The following ZMYND19 variants were observed in gnomAD, a reference collection of about 807,000 sequenced individuals.
ZMYND19 encodes the protein zinc finger MYND-type containing 19, also known as zinc finger MYND domain-containing protein 19.
A neutral mutation model predicts 32.0 loss-of-function variants in ZMYND19; 17 were observed. The ratio of observed to expected loss-of-function variants is 0.53; its 90% confidence interval spans 0.36 to 0.80. ZMYND19 has a LOEUF of 0.80. Ranked by LOEUF, ZMYND19 falls within the 30% of genes least tolerant of loss-of-function variation. ZMYND19 has a pLI of 0.00. For synonymous variants in ZMYND19, 124 were observed against 113.6 expected (o/e 1.09, Z -0.58); for missense variants, 250 against 293.6 (o/e 0.85, Z 1.09).
At chr9:137,586,783 T>A (rs1842209786) in intron 4 of ZMYND19, among the ~76,000 whole-genome samples, 184 bp downstream of exon 4, 1 of 152,220 alleles carries the variant, frequency 6.6e-6, no homozygotes, top group Non-Finnish European at 1.5e-5. Flanking sequence ...ATCAAGATCC[T>A]TCCCGCTCCC....
chr9:137,585,624 G>C (rs1186142748), intron 4 of ZMYND19, among the ~76,000 whole-genome samples: 1 of 151,998 alleles, frequency 6.6e-6, no homozygotes, highest in East Asian at 1.9e-4. Context: ...AGGAAGGGAT[G>C]GGGGGGGATT....
At position 137,582,517 on chromosome 9, in the gene ZMYND19, G is replaced by C; in HGVS notation, c.*26C>G. ...GTGCCCAGGGTAGAGCCCGGGGGCT[G>C]TGAGTATGTGTGGCTCCCCTGCCCG... On this transcript the variant is annotated 3_prime_UTR_variant, in exon 6 of 6. Coordinates refer to ENST00000298585, the MANE Select transcript of ZMYND19 (RefSeq NM_138462.3). 1 of 1,601,730 alleles carries C rather than the reference G, an allele frequency of 6.2e-7. No individual in the cohort carries two copies.
In ZMYND19 at chr9:137,587,551, A is replaced by G. The variant is rs145032051; in HGVS notation, c.218+166T>C. 784 of 668,456 alleles carry G rather than the reference A, an allele frequency of 1.2e-3. 10 individuals carry two copies. The East Asian group carries it at 0.019, about 16-fold the overall frequency. The allele number at this position is 668,456 out of a possible 1,614,324, so 41.4% of individuals were successfully genotyped here. A position where few individuals can be genotyped will look rare whatever the true frequency, so the allele number is the denominator to read the frequency against. ...TTGGTGTTTGAAGTGCAACATACAA[A>G]TCATTCGTTCCTTTGGGTTAGTGGT... On this transcript the variant is annotated intron_variant, in intron 3 of 5. Coordinates refer to ENST00000298585, the MANE Select transcript of ZMYND19 (RefSeq NM_138462.3).
In ZMYND19 at chr9:137,590,060, A is replaced by G; in HGVS notation, c.51+153T>C. The G allele has an allele frequency of 1.0e-6, 1 of 983,008 alleles. No homozygotes were observed. The highest frequency in any genetic ancestry group is 1.2e-6 in the Non-Finnish European group (1 of 828,722). 60.9% of individuals were successfully genotyped at this position (983,008 alleles called of 1,614,324 possible). A position where few individuals can be genotyped will look rare whatever the true frequency, so the allele number is the denominator to read the frequency against. On this transcript the variant is annotated intron_variant, in intron 1 of 5. Coordinates refer to ENST00000298585, the MANE Select transcript of ZMYND19 (RefSeq NM_138462.3). The surrounding 1 kb of genome is among the most constrained non-coding windows in gnomAD (Gnocchi z 4.2). Reference sequence around the variant, plus strand: ...GAGGAAGCTGCACCCGCGCGGGGCCAGCAGCCGGGCCCGCGCAGCGTCCCC... The same window carrying G: ...GAGGAAGCTGCACCCGCGCGGGGCCGGCAGCCGGGCCCGCGCAGCGTCCCC...
intron 1 of ZMYND19, chr9:137,589,336 G>A (rs1588975356): frequency 3.0e-6 from 3 of 985,298 alleles, no homozygotes; most frequent in Admixed American, 6.1e-5. Context: ...CAGGAAACAG[G>A]AACAGGTCCC....
Position 137,583,042 on chromosome 9 carries a change from C to T in ZMYND19, c.481G>A (p.Glu161Lys). 1 of 1,614,198 alleles carries T rather than the reference C, an allele frequency of 6.2e-7. No homozygotes were observed. Among genetic ancestry groups the T allele is most frequent in the Non-Finnish European group, 8.5e-7 (1 of 1,180,026 alleles). The change falls in exon 5 of 6, where the codon GAG (glutamate) becomes AAG (lysine). Residue 161 changes from glutamate (E) to lysine (K), a missense_variant. Coordinates refer to ENST00000298585, the MANE Select transcript of ZMYND19 (RefSeq NM_138462.3). ...NANGDVVEEE[E>K]NSCTYYECHY... ...CACTCATAGTAGGTGCAAGAGTTCTCCTCCTCTTCCACTACATCCCCGTTG... is the reference window on the plus strand; with the variant it reads ...CACTCATAGTAGGTGCAAGAGTTCTTCTCCTCTTCCACTACATCCCCGTTG...
intron 4 of ZMYND19, among the ~76,000 whole-genome samples, chr9:137,583,599 G>A (rs1246060119): frequency 8.4e-6 from 1 of 119,322 alleles, no homozygotes. Context: ...CCTACAACGG[G>A]AGAGTTCTAC....
At chr9:137,589,439 C>G in intron 1 of ZMYND19, 1 of 985,474 alleles carries the variant, frequency 1.0e-6, no homozygotes, top group African/African-American at 1.7e-5. Context: ...CTCCTCTCTC[C>G]CACCAAAAGC....
chr9:137,582,569 G>T lies in ZMYND19; in HGVS notation c.658C>A (p.Gln220Lys). ...CATCGCTCTGGCTCAAGCTCATGCT[G>T]GAAGGGACGCTTCCTCTCCCGACAG... ...KHCRERKRPFQHELEPER is the reference protein window; with the variant it reads ...KHCRERKRPFKHELEPER Residue 220 changes from glutamine to lysine, a missense_variant, in exon 6 of 6, where the codon CAG (glutamine) becomes AAG (lysine). Gln to Lys is a moderately conservative substitution (Grantham distance 53, BLOSUM62 1). This residue lies in a region of ZMYND19 where 38 missense variants were observed against 74.9 expected (regional missense o/e 0.51). Coordinates refer to ENST00000298585, the MANE Select transcript of ZMYND19 (RefSeq NM_138462.3). 6.2e-7 allele frequency: 1 copy of T among 1,613,234 alleles called. No individual in the cohort carries two copies. The highest frequency in any genetic ancestry group is 8.5e-7 in the Non-Finnish European group (1 of 1,180,020).
At chr9:137,585,851 G>A (rs938403841) in intron 4 of ZMYND19, among the ~76,000 whole-genome samples, 1 of 152,268 alleles carries the variant, frequency 6.6e-6, no homozygotes, top group African/African-American at 2.4e-5. Context: ...CCTTACCAGC[G>A]TTGCTGACAA....
At chr9:137,585,386 G>A (rs546709815) in intron 4 of ZMYND19, among the ~76,000 whole-genome samples, 4 of 139,120 alleles carry the variant, frequency 2.9e-5, no homozygotes, top group African/African-American at 1.1e-4. Flanking sequence ...CGCTACTCCA[G>A]CCTAGGCAAC....
At chr9:137,588,513 T>C in intron 2 of ZMYND19, 146 bp downstream of exon 2, 1 of 855,334 alleles carries the variant, frequency 1.2e-6, no homozygotes, top group Non-Finnish European at 1.8e-6. Flanking sequence ...GAAGTGGGGC[T>C]GACGGCTCAG....
At chr9:137,588,055 A>T (rs1470193725) in intron 2 of ZMYND19, among the ~76,000 whole-genome samples, 2 of 152,256 alleles carry the variant, frequency 1.3e-5, no homozygotes, top group East Asian at 3.8e-4. Context: ...ACAACTCTGC[A>T]AAATACAATG....
At chr9:137,589,950 C>T (rs1418562008) in intron 1 of ZMYND19, 7 of 985,204 alleles carry the variant, frequency 7.1e-6, no homozygotes, top group Non-Finnish European at 8.4e-6. Flanking sequence ...CGGGACAGGG[C>T]CGTGGCCTCC....
chr9:137,584,275 G>A (rs559118037), intron 4 of ZMYND19, among the ~76,000 whole-genome samples: 184 of 152,348 alleles, frequency 1.2e-3, no homozygotes, highest in African/African-American at 4.1e-3. Flanking sequence ...CCCACCTCCT[G>A]TAGCAGGGGG....
Position 137,587,111 on chromosome 9 carries a change from G to A in ZMYND19, c.219-4C>T, listed in dbSNP as rs775620745. On this transcript the variant is annotated splice_polypyrimidine_tract_variant and splice_region_variant and intron_variant, in intron 3 of 5. Transcript: ENST00000298585. ...CACGCCCCCCCGGTGCCGCTCCCTA[G>A]AAACAGACAGCAAACCCTGCATCTA... 6.9e-6 allele frequency: 11 copies of A among 1,602,698 alleles called. No individual in the cohort carries two copies. The highest frequency in any genetic ancestry group is 6.7e-5 in the East Asian group (3 of 44,896).
intron 2 of ZMYND19, 52 bp from the exon 3 acceptor site, chr9:137,587,875 C>A (rs1345091744): frequency 1.3e-6 from 2 of 1,538,784 alleles, no homozygotes; most frequent in African/African-American, 2.7e-5. Context: ...TTCTCAGCAA[C>A]ACTTCAATTC....
chr9:137,586,105 A>G (rs1355310851), intron 4 of ZMYND19, among the ~76,000 whole-genome samples: 1 of 152,270 alleles, frequency 6.6e-6, no homozygotes, highest in African/African-American at 2.4e-5. Context: ...CCAGGTGGGA[A>G]GCCCATGCAA....
intron 1 of ZMYND19, chr9:137,589,535 C>CA (rs1408482716): frequency 1.0e-6 from 1 of 985,342 alleles, no homozygotes; most frequent in Non-Finnish European, 1.2e-6. Context: ...GAGAAACCGC[C>CA]AAGCCTCAAT....
Sources: allele counts gnomAD v4.1 joint callset (sites outside exome capture counted in the v4.1 genomes callset), GRCh38; gene constraint gnomAD v4.1.1; regional missense constraint gnomAD v4.1.1; non-coding constraint Gnocchi (gnomAD v3.1); transcripts MANE v1.5; gene names NCBI Gene and HGNC (gene_info 2026-07-23, HGNC 2026-07-21).